Variants in LRRC1 observed in about 807,000 individuals in gnomAD.
LRRC1 encodes leucine rich repeat containing 1.
Under a neutral mutation model 69.9 loss-of-function variants are expected in LRRC1, and 28 were observed. That is an observed-to-expected ratio of 0.40 (90% confidence interval 0.30 to 0.55). The LOEUF is 0.55. LRRC1 is among the 20% of genes least tolerant of loss of function. The pLI is 0.47. For synonymous variants in LRRC1, 236 were observed against 240.2 expected (o/e 0.98, Z 0.16); for missense variants, 498 against 609.0 (o/e 0.82, Z 1.92).
intron 7 of LRRC1, among the ~76,000 whole-genome samples, chr6:53,898,895 T>G (rs1767958904): frequency 6.6e-6 from 1 of 152,160 alleles, no homozygotes; most frequent in African/African-American, 2.4e-5. Context: ...CCACAAGATG[T>G]TTTTTGAAAA....
At chr6:53,849,433 A>T (rs529463660) in intron 2 of LRRC1, among the ~76,000 whole-genome samples, 1 of 152,328 alleles carries the variant, frequency 6.6e-6, no homozygotes, top group South Asian at 2.1e-4. Context: ...TGTAGGTATC[A>T]GGTTGATGGT....
At chr6:53,841,853 T>G (rs1268751005) in intron 1 of LRRC1, among the ~76,000 whole-genome samples, 1 of 152,216 alleles carries the variant, frequency 6.6e-6, no homozygotes, top group Non-Finnish European at 1.5e-5. Flanking sequence ...AGTTGCTCAT[T>G]AATTTTTAAA....
chr6:53,890,687 C>T (rs912768612), intron 4 of LRRC1, among the ~76,000 whole-genome samples: 18 of 152,038 alleles, frequency 1.2e-4, no homozygotes, highest in African/African-American at 4.3e-4. Flanking sequence ...TTTTCTAGAG[C>T]AAAGCCACCG....
At chr6:53,858,490 A>T (rs1209395281) in intron 2 of LRRC1, among the ~76,000 whole-genome samples, 1 of 152,116 alleles carries the variant, frequency 6.6e-6, no homozygotes, top group Non-Finnish European at 1.5e-5. Context: ...TCTTGTATTC[A>T]TCTTTGCCTC....
intron 2 of LRRC1, among the ~76,000 whole-genome samples, chr6:53,863,913 A>AGTGGGGTC (rs1766612179): frequency 1.3e-5 from 2 of 152,196 alleles, no homozygotes; most frequent in African/African-American, 4.8e-5. Flanking sequence ...TTATTATCAG[A>AGTGGGGTC]AAACCTTTCT....
chr6:53,808,640 A>G (rs187626045), intron 1 of LRRC1, among the ~76,000 whole-genome samples: 91 of 152,218 alleles, frequency 6.0e-4, no homozygotes, highest in African/African-American at 2.1e-3. Context: ...GCAGAGTAGC[A>G]GAGCTGTGAT....
intron 8 of LRRC1, among the ~76,000 whole-genome samples, chr6:53,901,127 G>C (rs1768045030): frequency 6.6e-6 from 1 of 152,184 alleles, no homozygotes; most frequent in East Asian, 1.9e-4. Context: ...GGCATGTTTT[G>C]TTGCTTGGAA....
Position 53,919,229 on chromosome 6 carries a change from C to CTCTTTTTTT in LRRC1, c.1107-268_1107-267insCTTTTTTTT, listed in dbSNP as rs1467923075. ...AAATGTGTCCTGTAATTTTCTCTCT[C>CTCTTTTTTT]TTTTTTTTTTTTTTTTTTTTTTTTT... is the stretch of plus-strand genomic sequence containing the variant. On this transcript the variant is annotated intron_variant, in intron 11 of 13. Transcript: ENST00000370888. 1.5e-4 allele frequency: 11 copies of CTCTTTTTTT among 72,280 alleles called. 1 individual carries two copies. Among genetic ancestry groups the CTCTTTTTTT allele is most frequent in the East Asian group, 5.8e-4 (1 of 1,714 alleles). The allele number at this position is 72,280 out of a possible 1,614,324, so 4.5% of individuals were successfully genotyped here. A position where few individuals can be genotyped will look rare whatever the true frequency, so the allele number is the denominator to read the frequency against.
At chr6:53,813,556 T>C (rs1223529926) in intron 1 of LRRC1, among the ~76,000 whole-genome samples, 1 of 151,038 alleles carries the variant, frequency 6.6e-6, no homozygotes, top group African/African-American at 2.4e-5. Flanking sequence ...TTTTCTTTTT[T>C]TTTCTGGAAA....
chr6:53,848,369 G>C (rs142476999), intron 2 of LRRC1, among the ~76,000 whole-genome samples: 106 of 152,334 alleles, frequency 7.0e-4, no homozygotes, highest in Middle Eastern at 3.4e-3. Flanking sequence ...TAGGGGTGAA[G>C]AGGAATCAGG....
In LRRC1 at chr6:53,797,005, G is replaced by A. The variant is rs116234371; in HGVS notation, c.159+1590G>A. 1.4e-3 allele frequency among the ~76,000 whole-genome samples: 220 copies of A among 152,298 alleles called. 2 individuals are homozygous for A. The highest frequency in any genetic ancestry group is 6.8e-3 in the Middle Eastern group (2 of 294). On this transcript the variant is annotated intron_variant, in intron 1 of 13. Coordinates refer to ENST00000370888, the MANE Select transcript of LRRC1 (RefSeq NM_018214.5). ...AGATGGAGTGAAAAGTTATTCACTA[G>A]AAATGATTCATTGCTCTTTGTGGTA...
In LRRC1 at chr6:53,795,333, A is replaced by G. The variant is rs1474617118; in HGVS notation, c.77A>G (p.Tyr26Cys). ...GACAAGCGCCACTGCTCGCTGGTCT[A>G]CGTCCCCGAGGAGATCTACCGCTAT... Reference protein sequence around the residue: ...SIDKRHCSLVYVPEEIYRYAR... With the variant: ...SIDKRHCSLVCVPEEIYRYAR... Residue 26 changes from tyrosine (Y) to cysteine (C), a missense_variant, in exon 1 of 14, where the codon TAC (tyrosine) becomes TGC (cysteine). By Grantham distance (194) the Tyr-to-Cys change is radical. This residue lies in a region of LRRC1 where 70 missense variants were observed against 62.1 expected (regional missense o/e 1.13). Transcript: ENST00000370888. The G allele has an allele frequency of 4.3e-6, 7 of 1,613,676 alleles. No individual in the cohort carries two copies. Among genetic ancestry groups the G allele is most frequent in the Non-Finnish European group, 5.9e-6 (7 of 1,179,926 alleles).
At chr6:53,832,380 G>T (rs1418592588) in intron 1 of LRRC1, among the ~76,000 whole-genome samples, 1 of 152,016 alleles carries the variant, frequency 6.6e-6, no homozygotes, top group Non-Finnish European at 1.5e-5. Flanking sequence ...CACATAGTTG[G>T]CATAGTATGT....
intron 2 of LRRC1, among the ~76,000 whole-genome samples, chr6:53,849,783 G>T (rs1240539336): frequency 6.6e-6 from 1 of 152,136 alleles, no homozygotes; most frequent in East Asian, 1.9e-4. Context: ...TAAGGTGTCG[G>T]CTCAAAGTGA....
chr6:53,829,003 A>G (rs1334262655), intron 1 of LRRC1, among the ~76,000 whole-genome samples: 2 of 152,232 alleles, frequency 1.3e-5, no homozygotes, highest in Admixed American at 6.5e-5. Flanking sequence ...TATATTAAGC[A>G]TTTCTCATAT....
chr6:53,915,881 C>T (rs1316629593), intron 11 of LRRC1, among the ~76,000 whole-genome samples: 2 of 152,080 alleles, frequency 1.3e-5, no homozygotes, highest in Non-Finnish European at 2.9e-5. Flanking sequence ...AAAAGGGCTA[C>T]CTTGTCAGCC....
At chr6:53,806,974 A>G (rs1021554700) in intron 1 of LRRC1, among the ~76,000 whole-genome samples, 4 of 152,166 alleles carry the variant, frequency 2.6e-5, no homozygotes, top group Admixed American at 1.3e-4. Context: ...TTGTGTCCTT[A>G]TTAAATGAAC....
intron 1 of LRRC1, among the ~76,000 whole-genome samples, chr6:53,839,056 T>C (rs1201718132): frequency 6.6e-6 from 1 of 152,084 alleles, no homozygotes; most frequent in African/African-American, 2.4e-5. Context: ...TCAAGTTCTG[T>C]GGTCTTTATA....
chr6:53,857,441 A>G (rs147295230), intron 2 of LRRC1, among the ~76,000 whole-genome samples: 58 of 152,316 alleles, frequency 3.8e-4, no homozygotes, highest in African/African-American at 1.3e-3. Context: ...GTGCAGATTA[A>G]TGGATGAAGC....
Sources: allele counts gnomAD v4.1 joint callset (sites outside exome capture counted in the v4.1 genomes callset), GRCh38; gene constraint gnomAD v4.1.1; regional missense constraint gnomAD v4.1.1; transcripts MANE v1.5; gene names NCBI Gene and HGNC (gene_info 2026-07-23, HGNC 2026-07-21).